Variants in TMEM245 observed in about 807,000 individuals in gnomAD.
The protein encoded by TMEM245 is transmembrane protein 245.
TMEM245 carries 69 observed loss-of-function variants against 101.2 expected under a neutral mutation model. The observed-to-expected ratio is 0.68, with a 90% CI of 0.56 to 0.83. The LOEUF (loss-of-function observed/expected upper bound fraction) is 0.83, where lower values mean the gene tolerates loss of function less well. TMEM245 is among the 40% of genes least tolerant of loss of function. The pLI is 0.00. For missense variants in TMEM245, 1,075 were observed against 1,092.8 expected (o/e 0.98, Z 0.23); for synonymous variants, 537 against 449.8 (o/e 1.19, Z -2.45).
chr9:109,026,603 A>G (rs1244240965), intron 17 of TMEM245, among the ~76,000 whole-genome samples: 2 of 151,336 alleles, frequency 1.3e-5, no homozygotes, highest in African/African-American at 4.9e-5. Flanking sequence ...CTAAGAGGCA[A>G]AAGCAACAAA....
rs1180151919 is a variant in TMEM245 at position 109,119,577 on chromosome 9, G to T, written c.337C>A (p.His113Asn). 2 of 1,544,468 alleles carry T rather than the reference G, an allele frequency of 1.3e-6. No homozygotes were observed. The highest frequency in any genetic ancestry group is 2.0e-5 in the Admixed American group (1 of 50,750). ...RLGRHWLQRLHRAHTPIVLAA... is the reference protein window; with the variant it reads ...RLGRHWLQRLNRAHTPIVLAA... Reference sequence around the variant, plus strand: ...AGGACGATGGGCGTGTGCGCGCGGTGCAGGCGCTGCAGCCAGTGGCGGCCC... The same window carrying T: ...AGGACGATGGGCGTGTGCGCGCGGTTCAGGCGCTGCAGCCAGTGGCGGCCC... The change falls in exon 1 of 18, where the codon CAC becomes AAC. Residue 113 changes from histidine to asparagine, a missense_variant. This residue lies in a region of TMEM245 where 808 missense variants were observed against 741.5 expected (regional missense o/e 1.09). Coordinates refer to ENST00000374586, the MANE Select transcript of TMEM245 (RefSeq NM_032012.4).
intron 8 of TMEM245, among the ~76,000 whole-genome samples, chr9:109,075,487 C>T (rs1265635290): frequency 6.6e-6 from 1 of 152,148 alleles, no homozygotes; most frequent in African/African-American, 2.4e-5. Flanking sequence ...ATCATCTGGG[C>T]CTGAGCGCTT....
At chr9:109,088,416 G>A (rs946553872) in intron 5 of TMEM245, among the ~76,000 whole-genome samples, 1 of 152,142 alleles carries the variant, frequency 6.6e-6, no homozygotes, top group Non-Finnish European at 1.5e-5. Context: ...ATGATGACTA[G>A]AAGGTTAAGC....
At chr9:109,022,470 T>TCTATCTAC (rs1010233183) in intron 17 of TMEM245, among the ~76,000 whole-genome samples, 1 of 98,582 alleles carries the variant, frequency 1.0e-5, no homozygotes, top group Admixed American at 8.8e-5. Context: ...ATATGCATTA[T>TCTATCTAC]CTATCTATCT....
intron 7 of TMEM245, among the ~76,000 whole-genome samples, chr9:109,085,571 T>C (rs1454396069): frequency 6.6e-6 from 1 of 152,232 alleles, no homozygotes; most frequent in Non-Finnish European, 1.5e-5. Flanking sequence ...CATACAAATA[T>C]TTCACAGATT....
At chr9:109,042,075 G>C (rs188185315) in intron 14 of TMEM245, among the ~76,000 whole-genome samples, 1 of 152,076 alleles carries the variant, frequency 6.6e-6, no homozygotes, top group East Asian at 1.9e-4. Flanking sequence ...CTGAATTTTA[G>C]GTTCCAAAGA....
chr9:109,063,497 G>C (rs1829077327), intron 10 of TMEM245, among the ~76,000 whole-genome samples: 1 of 151,998 alleles, frequency 6.6e-6, no homozygotes, highest in South Asian at 2.1e-4. Context: ...TTTCAATATG[G>C]AATCACATAC....
At chr9:109,041,600 G>A (rs113828619) in intron 14 of TMEM245, among the ~76,000 whole-genome samples, 14 of 150,938 alleles carry the variant, frequency 9.3e-5, no homozygotes, top group African/African-American at 3.4e-4. Context: ...GGGGCTGAGA[G>A]ATGGTCAAAG....
intron 17 of TMEM245, among the ~76,000 whole-genome samples, chr9:109,024,675 G>A (rs1827744007): frequency 6.6e-6 from 1 of 152,222 alleles, no homozygotes. Flanking sequence ...TTGGCTAGGA[G>A]GGAAGTGGTG....
intron 16 of TMEM245, among the ~76,000 whole-genome samples, chr9:109,034,730 G>A (rs1305113729): frequency 6.6e-6 from 1 of 152,258 alleles, no homozygotes; most frequent in Non-Finnish European, 1.5e-5. Flanking sequence ...ACAGGCTTGA[G>A]CCACTATGCT....
intron 12 of TMEM245, among the ~76,000 whole-genome samples, chr9:109,053,079 A>G (rs1470295192): frequency 6.6e-6 from 1 of 152,222 alleles, no homozygotes; most frequent in African/African-American, 2.4e-5. Context: ...GGCAGGCACA[A>G]TAGCAAGGCC....
chr9:109,050,396 TAA>T lies in TMEM245; in HGVS notation c.2008_2009del (p.Leu670LysfsTer4). ...GCTTGTAGTACTCATCACTGGAACT[TAA>T]TAGATAAAATAGTGTGGTCAGGAAA... Reference protein sequence around the residue: ...IIFLTTLFYLLSSSDEYYKPV... With the variant: ...IIFLTTLFYLXSSSDEYYKPV... On this transcript the variant is annotated frameshift_variant, in exon 14 of 18. Coordinates refer to ENST00000374586, the MANE Select transcript of TMEM245 (RefSeq NM_032012.4). LOFTEE classifies it high-confidence loss of function. 1 of 1,614,074 alleles carries T rather than the reference TAA, an allele frequency of 6.2e-7. No individual in the cohort carries two copies. The highest frequency in any genetic ancestry group is 1.7e-5 in the Admixed American group (1 of 60,004).
intron 1 of TMEM245, among the ~76,000 whole-genome samples, chr9:109,109,532 A>G (rs1249233087): frequency 5.3e-5 from 8 of 152,118 alleles, no homozygotes; most frequent in Non-Finnish European, 1.0e-4. Flanking sequence ...AAAAGACAGA[A>G]AAAAACTATC....
At chr9:109,068,103 C>T (rs1012998283) in intron 9 of TMEM245, among the ~76,000 whole-genome samples, 2 of 152,134 alleles carry the variant, frequency 1.3e-5, no homozygotes, top group African/African-American at 4.8e-5. Context: ...CGCGGTCACT[C>T]AAGTCTGTAA....
chr9:109,097,108 G>A (rs1564204843), intron 3 of TMEM245, among the ~76,000 whole-genome samples: 1 of 152,206 alleles, frequency 6.6e-6, no homozygotes, highest in Admixed American at 6.5e-5. Context: ...CAAAGGAGCT[G>A]TCTGACAAGA....
At chr9:109,090,557 C>T (rs947861791) in intron 5 of TMEM245, among the ~76,000 whole-genome samples, 3 of 151,530 alleles carry the variant, frequency 2.0e-5, no homozygotes, top group African/African-American at 7.3e-5. Flanking sequence ...GCTGTCTCTA[C>T]TAAAAATAAA....
chr9:109,057,813 T>C (rs1330025118), intron 11 of TMEM245, among the ~76,000 whole-genome samples: 1 of 152,068 alleles, frequency 6.6e-6, no homozygotes, highest in African/African-American at 2.4e-5. Context: ...AATTCTTTTG[T>C]TTATATTCTA....
chr9:109,074,515 A>G (rs550036652), intron 8 of TMEM245, among the ~76,000 whole-genome samples: 1 of 152,170 alleles, frequency 6.6e-6, no homozygotes, highest in Admixed American at 6.5e-5. Flanking sequence ...TGACAGAGGG[A>G]AAGAAAGTGT....
chr9:109,049,375 G>C (rs1828602764), intron 14 of TMEM245, among the ~76,000 whole-genome samples: 1 of 152,038 alleles, frequency 6.6e-6, no homozygotes, highest in Non-Finnish European at 1.5e-5. Context: ...CACCATGCCT[G>C]GCTAATCTTT....
Sources: gnomAD v4.1 joint callset for allele counts (sites outside exome capture counted in the v4.1 genomes callset) on GRCh38, gnomAD v4.1.1 for gene constraint, gnomAD v4.1.1 regional missense constraint, MANE v1.5 for transcripts, NCBI Gene and HGNC (gene_info 2026-07-23, HGNC 2026-07-21) for gene names.